The following ADAMTS10 variants were observed in gnomAD, a reference collection of about 807,000 sequenced individuals.
The protein encoded by ADAMTS10 is ADAM metallopeptidase with thrombospondin type 1 motif 10, also known as A disintegrin and metalloproteinase with thrombospondin motifs 10.
Under a neutral mutation model 135.9 loss-of-function variants are expected in ADAMTS10, and 48 were observed. That is an observed-to-expected ratio of 0.35 (90% confidence interval 0.28 to 0.45). The LOEUF (loss-of-function observed/expected upper bound fraction) is 0.45. ADAMTS10 is among the 20% of genes least tolerant of loss of function. The pLI, the probability that ADAMTS10 is intolerant of heterozygous loss-of-function variation, is 1.00. For synonymous variants in ADAMTS10, 621 were observed against 647.5 expected, an observed-to-expected ratio of 0.96 and a Z score of 0.62; for missense variants, 1,131 against 1,565.2, an observed-to-expected ratio of 0.72 and a Z score of 4.68.
chr19:8,596,004 T>A lies in ADAMTS10; in HGVS notation c.1337+69A>T. ...TCCCAGGGAGCATCCCTGATTTCTA[T>A]CGTCTCCCGTGTACCCTGCCCCACC... On this transcript the variant is annotated intron_variant, in intron 11 of 25. Coordinates refer to ENST00000597188, the MANE Select transcript of ADAMTS10 (RefSeq NM_030957.4). The surrounding 1 kb of genome is among the most constrained non-coding windows in gnomAD (Gnocchi z 7.2). 6.2e-7 allele frequency: 1 copy of A among 1,613,814 alleles called. No individual in the cohort carries two copies. The highest frequency in any genetic ancestry group is 1.3e-5 in the African/African-American group (1 of 75,032).
intron 12 of ADAMTS10, chr19:8,593,521 G>A (rs2042568598): frequency 1.3e-5 from 2 of 154,152 alleles, no homozygotes; most frequent in Non-Finnish European, 2.9e-5. Flanking sequence ...GCCGAGTTAG[G>A]TCTGTGTGGG....
intron 12 of ADAMTS10, 64 bp downstream of exon 12, chr19:8,595,698 T>TGCCGCCCCCC: frequency 4.6e-6 from 6 of 1,291,942 alleles, no homozygotes; most frequent in Non-Finnish European, 6.5e-6. Context: ...CTGGTGGAGT[T>TGCCGCCCCCC]CCCTCCCCCA....
intron 15 of ADAMTS10, among the ~76,000 whole-genome samples, chr19:8,590,604 G>A (rs530167942): frequency 3.9e-5 from 6 of 152,184 alleles, no homozygotes; most frequent in East Asian, 1.9e-4. Flanking sequence ...GACTACAGGC[G>A]CGTGCCACCA....
intron 18 of ADAMTS10, among the ~76,000 whole-genome samples, chr19:8,587,750 T>C (rs2042458412): frequency 6.6e-6 from 1 of 151,570 alleles, no homozygotes; most frequent in South Asian, 2.1e-4. Context: ...GCTAACACGG[T>C]GAAACCCCAT....
chr19:8,603,661 A>T, intron 5 of ADAMTS10, 67 bp downstream of exon 5: 1 of 1,604,208 alleles, frequency 6.2e-7, no homozygotes, highest in Non-Finnish European at 8.5e-7. Flanking sequence ...CTGGATAAAA[A>T]GACACTGCTG....
In ADAMTS10 at chr19:8,580,661, G is replaced by A. The variant is rs1020607187; in HGVS notation, c.*232C>T. ...TCCCCAGACCCACCCTGGAGGGGGG[G>A]TCTCACTATGTGAACTGGAAGGGGC... On this transcript the variant is annotated 3_prime_UTR_variant, in exon 26 of 26. Transcript: ENST00000597188. 2 of 529,110 alleles carry A rather than the reference G, an allele frequency of 3.8e-6. No homozygotes were observed. Among genetic ancestry groups the A allele is most frequent in the Non-Finnish European group, 6.8e-6 (2 of 292,084 alleles). The allele number at this position is 529,110 out of a possible 1,614,324, so 32.8% of individuals were successfully genotyped here. A position where few individuals can be genotyped will look rare whatever the true frequency, so the allele number is the denominator to read the frequency against.
Position 8,585,062 on chromosome 19 carries a change from G to A in ADAMTS10, c.3043-8C>T, listed in dbSNP as rs759098979. 151 of 1,516,704 alleles carry A rather than the reference G, an allele frequency of 1.0e-4. No homozygotes were observed. The highest frequency in any genetic ancestry group is 1.2e-4 in the Non-Finnish European group (138 of 1,135,056). 94.0% of individuals were successfully genotyped at this position (1,516,704 alleles called of 1,614,324 possible). A position where few individuals can be genotyped will look rare whatever the true frequency, so the allele number is the denominator to read the frequency against. ...GCCGCACTGTGCAGAGCACTGCGAG[G>A]GGGCACCACTCAGTTGCTGCCCCGC... is the stretch of plus-strand genomic sequence containing the variant. On this transcript the variant is annotated splice_region_variant and splice_polypyrimidine_tract_variant and intron_variant, in intron 24 of 25. Coordinates refer to ENST00000597188, the MANE Select transcript of ADAMTS10 (RefSeq NM_030957.4).
intron 18 of ADAMTS10, among the ~76,000 whole-genome samples, chr19:8,587,921 AC>A (rs1427346281): frequency 2.8e-5 from 3 of 106,828 alleles, no homozygotes; most frequent in Non-Finnish European, 3.8e-5. Flanking sequence ...ACAGAGCGAG[AC>A]CCCATCTCAA....
chr19:8,587,269 AC>A (rs1261231864), intron 18 of ADAMTS10, among the ~76,000 whole-genome samples: 1 of 138,370 alleles, frequency 7.2e-6, no homozygotes, highest in Non-Finnish European at 1.5e-5. Context: ...TGATCCTCCC[AC>A]CTCAGCCTCT....
At position 8,589,465 on chromosome 19, in the gene ADAMTS10, C is replaced by T; in HGVS notation, c.2021G>A (p.Ser674Asn). ...AGTCCCCTCCACCTTGCATTCGCCA[C>T]TGACGCAAATGTCCACCGTGTCTGG... ...CRPDTVDICV[S>N]GECKHVGCDR... Residue 674 changes from serine (S) to asparagine (N), a missense_variant, in exon 17 of 26, where the codon AGT becomes AAT. By Grantham distance (46) the Ser-to-Asn change is conservative. This residue lies in a region of ADAMTS10 where 745 missense variants were observed against 1,056.3 expected (regional missense o/e 0.71). Transcript: ENST00000597188. 1 of 1,613,676 alleles carries T rather than the reference C, an allele frequency of 6.2e-7. No homozygotes were observed. Among genetic ancestry groups the T allele is most frequent in the East Asian group, 2.2e-5 (1 of 44,850 alleles).
intron 6 of ADAMTS10, 42 bp from the exon 7 acceptor site, chr19:8,597,359 C>G: frequency 6.4e-7 from 1 of 1,571,140 alleles, no homozygotes; most frequent in Non-Finnish European, 8.7e-7. Context: ...TTAAGAGGAG[C>G]CCAGGGTAGA....
chr19:8,601,184 G>A lies in ADAMTS10; in HGVS notation c.593-39C>T, dbSNP rs2042666310. Reference sequence around the variant, plus strand: ...TAGAGCAATTAAGCCCTGCCCTGCTGGTGGGACGCAGAGCTGCCTGACAAC... The same window carrying A: ...TAGAGCAATTAAGCCCTGCCCTGCTAGTGGGACGCAGAGCTGCCTGACAAC... On this transcript the variant is annotated intron_variant, in intron 5 of 25. Coordinates refer to ENST00000597188, the MANE Select transcript of ADAMTS10 (RefSeq NM_030957.4). This position sits in a 1 kb window ranked among gnomAD's most constrained non-coding sequence, Gnocchi z 4.6. 1 of 1,602,492 alleles carries A rather than the reference G, an allele frequency of 6.2e-7. No homozygotes were observed. The highest frequency in any genetic ancestry group is 1.7e-5 in the Admixed American group (1 of 59,584).
intron 6 of ADAMTS10, 125 bp downstream of exon 6, chr19:8,600,803 C>T (rs148054884): frequency 1.6e-6 from 2 of 1,281,546 alleles, no homozygotes; most frequent in Non-Finnish European, 2.2e-6. Context: ...CGGCCTGCAA[C>T]CTTCCTTTCT....
At position 8,596,486 on chromosome 19, in the gene ADAMTS10, G is replaced by C. The variant is rs2042607013; in HGVS notation, c.1084+56C>G. ...CTGGCTGGCCCCATCCACCTGCCAG[G>C]TCTCACCCCAGCCCACTGCCTTCAT... is the stretch of plus-strand genomic sequence containing the variant. On this transcript the variant is annotated intron_variant, in intron 9 of 25. Coordinates refer to ENST00000597188, the MANE Select transcript of ADAMTS10 (RefSeq NM_030957.4). This position sits in a 1 kb window ranked among gnomAD's most constrained non-coding sequence, Gnocchi z 7.2. 1.2e-6 allele frequency: 2 copies of C among 1,613,338 alleles called. No homozygotes were observed. The highest frequency in any genetic ancestry group is 1.7e-6 in the Non-Finnish European group (2 of 1,179,362).
At chr19:8,587,283 A>T in intron 18 of ADAMTS10, among the ~76,000 whole-genome samples, 1 of 142,736 alleles carries the variant, frequency 7.0e-6, no homozygotes, top group East Asian at 2.3e-4. Flanking sequence ...CAGCCTCTGG[A>T]GTAGCTGGGA....
rs1387489730 is a variant in ADAMTS10 at position 8,609,392 on chromosome 19, G to GTCCCA, written c.-214-1149_-214-1145dup. 3.9e-5 allele frequency among the ~76,000 whole-genome samples: 6 copies of GTCCCA among 152,056 alleles called. 1 individual carries two copies. In the South Asian group the frequency reaches 1.0e-3, roughly 26 times the overall value. ...GAAATGGCTTAGAAACAGAGGCTCT[G>GTCCCA]TCCCATCCCATCCCATCCCGGGGAT... On this transcript the variant is annotated intron_variant, in intron 1 of 25. Coordinates refer to ENST00000597188, the MANE Select transcript of ADAMTS10 (RefSeq NM_030957.4).
Position 8,591,800 on chromosome 19 carries a change from A to T in ADAMTS10, c.1797T>A (p.Asp599Glu), listed in dbSNP as rs377177870. 6.2e-7 allele frequency: 1 copy of T among 1,613,626 alleles called. No individual in the cohort carries two copies. Among genetic ancestry groups the T allele is most frequent in the Middle Eastern group, 1.6e-4 (1 of 6,062 alleles). Residue 599 changes from aspartate (D) to glutamate (E), a missense_variant and splice_region_variant, in exon 15 of 26, where the codon GAT (aspartate) becomes GAA (glutamate). By Grantham distance (45) the Asp-to-Glu change is conservative (BLOSUM62 2). Coordinates refer to ENST00000597188, the MANE Select transcript of ADAMTS10 (RefSeq NM_030957.4). The stretch of plus-strand genomic sequence containing the variant: ...CCTCAAGGGGTTTGGGGGAACTCAC[A>T]TCCGTGTTGCAGGAGCGGTGCCGCC... The part of the protein sequence containing the change: ...ERRRHRSCNT[D>E]DCPPGSQDFR...
chr19:8,592,208 C>T (rs1311700816), intron 13 of ADAMTS10, 105 bp from the exon 14 acceptor site: 3 of 1,571,880 alleles, frequency 1.9e-6, no homozygotes, highest in Non-Finnish European at 2.6e-6. Flanking sequence ...TCAGCCTCTC[C>T]GGGATGGGCA....
chr19:8,585,198 C>A lies in ADAMTS10; in HGVS notation c.2976G>T (p.Pro992=), dbSNP rs1472234085. ...GGCGCAAGTTGCAGCGCATGGTGGC[C>A]GGTGGCTTGGCGGCGGGTGAGCAGT... ...PAHCSPAAKP[P]ATMRCNLRRC... is the part of the protein sequence containing the mutation. Residue 992 remains proline (P), a synonymous_variant, in exon 24 of 26, where the codon CCG becomes CCT. Transcript: ENST00000597188. The A allele has an allele frequency of 4.0e-5, 57 of 1,419,114 alleles. No individual in the cohort carries two copies. Among genetic ancestry groups the A allele is most frequent in the Non-Finnish European group, 4.9e-5 (54 of 1,091,008 alleles). 87.9% of individuals were successfully genotyped at this position (1,419,114 alleles called of 1,614,324 possible).
Sources: gnomAD v4.1 joint callset for allele counts (sites outside exome capture counted in the v4.1 genomes callset) on GRCh38, gnomAD v4.1.1 for gene constraint, gnomAD v4.1.1 regional missense constraint, Gnocchi (gnomAD v3.1) non-coding constraint, MANE v1.5 for transcripts, NCBI Gene and HGNC (gene_info 2026-07-23, HGNC 2026-07-21) for gene names.